GABPB1: variants seen among roughly 807,000 people sequenced by gnomAD.
The protein encoded by GABPB1 is GA-binding protein subunit beta-1.
Under a neutral mutation model 45.9 loss-of-function variants are expected in GABPB1, and 15 were observed. The ratio of observed to expected loss-of-function variants is 0.33; its 90% CI spans 0.22 to 0.50. The LOEUF is 0.50. GABPB1 is among the 20% of genes least tolerant of loss of function. The pLI is 0.98. For missense variants in GABPB1, 252 were observed against 457.5 expected, an observed-to-expected ratio of 0.55 and a Z score of 4.10; for synonymous variants, 143 against 154.4, an observed-to-expected ratio of 0.93 and a Z score of 0.55.
chr15:50,340,520 G>T (rs1595837933), intron 1 of GABPB1, among the ~76,000 whole-genome samples: 3 of 126,008 alleles, frequency 2.4e-5, no homozygotes, highest in African/African-American at 3.0e-5. Flanking sequence ...AGTTTCATGA[G>T]TATCCTTCCA....
At chr15:50,334,956 C>G (rs1431402954) in intron 1 of GABPB1, among the ~76,000 whole-genome samples, 4 of 152,058 alleles carry the variant, frequency 2.6e-5, no homozygotes, top group Non-Finnish European at 5.9e-5. Flanking sequence ...GGTTCCTTGT[C>G]TCCTCGTACG....
intron 7 of GABPB1, 30 bp from the exon 8 acceptor site, chr15:50,286,213 T>C: frequency 7.2e-7 from 1 of 1,396,618 alleles, no homozygotes; most frequent in Admixed American, 2.3e-5. Context: ...ATGTATTACT[T>C]CATTTTCAGA....
chr15:50,285,466 TAC>T (rs1325483991), intron 8 of GABPB1, among the ~76,000 whole-genome samples: 1 of 152,144 alleles, frequency 6.6e-6, no homozygotes, highest in Non-Finnish European at 1.5e-5. Flanking sequence ...AAAATTTATT[TAC>T]AGTCAGTCAA....
chr15:50,311,012 G>T (rs1277619888), intron 1 of GABPB1, among the ~76,000 whole-genome samples: 1 of 151,528 alleles, frequency 6.6e-6, no homozygotes, highest in Admixed American at 6.6e-5. Flanking sequence ...AATATCTTGT[G>T]CCTTGAATTT....
At position 50,286,202 on chromosome 15, in the gene GABPB1, T is replaced by G. The variant is rs1478090439; in HGVS notation, c.884-19A>C. The G allele has an allele frequency of 1.4e-6, 2 of 1,454,710 alleles. No individual in the cohort carries two copies. The highest frequency in any genetic ancestry group is 1.9e-6 in the Non-Finnish European group (2 of 1,078,274). The allele number at this position is 1,454,710 out of a possible 1,614,324, so 90.1% of individuals were successfully genotyped here. ...GTTAATACTAAAATGAAAAAAAAAT[T>G]ATGTATTACTTCATTTTCAGAGAGA... is the stretch of plus-strand genomic sequence containing the variant. On this transcript the variant is annotated intron_variant, in intron 7 of 8. Coordinates refer to ENST00000380877, the MANE Select transcript of GABPB1 (RefSeq NM_016654.5).
intron 1 of GABPB1, among the ~76,000 whole-genome samples, chr15:50,312,866 T>C (rs2047179369): frequency 6.6e-6 from 1 of 152,070 alleles, no homozygotes; most frequent in African/African-American, 2.4e-5. Context: ...TTGTCTGTCT[T>C]TTTTTTATTG....
At chr15:50,340,157 G>C (rs2048298304) in intron 1 of GABPB1, among the ~76,000 whole-genome samples, 1 of 152,170 alleles carries the variant, frequency 6.6e-6, no homozygotes, top group Non-Finnish European at 1.5e-5. Flanking sequence ...GGCACAGCAA[G>C]GTGGCTCCAT....
chr15:50,308,474 G>A (rs2047019299), intron 2 of GABPB1, among the ~76,000 whole-genome samples: 1 of 152,144 alleles, frequency 6.6e-6, no homozygotes, highest in Admixed American at 6.5e-5. Flanking sequence ...GGCAACAGGG[G>A]CAAGGGCAGG....
In GABPB1 at chr15:50,286,191, G is replaced by GA. The variant is rs576271497; in HGVS notation, c.884-9dup. ...TTGCTGGTACTGTTAATACTAAAAT[G>GA]AAAAAAAAATTATGTATTACTTCAT... is the stretch of plus-strand genomic sequence containing the variant. On this transcript the variant is annotated splice_polypyrimidine_tract_variant and intron_variant, in intron 7 of 8. Coordinates refer to ENST00000380877, the MANE Select transcript of GABPB1 (RefSeq NM_016654.5). 8.8e-4 allele frequency: 1,290 copies of GA among 1,469,982 alleles called. 3 individuals are homozygous for GA. Among genetic ancestry groups the GA allele is most frequent in the South Asian group, 6.3e-3 (457 of 72,828 alleles). 91.1% of individuals were successfully genotyped at this position (1,469,982 alleles called of 1,614,324 possible). A position where few individuals can be genotyped will look rare whatever the true frequency, so the allele number is the denominator to read the frequency against.
intron 7 of GABPB1, among the ~76,000 whole-genome samples, chr15:50,287,087 C>CT (rs2046188423): frequency 6.6e-6 from 1 of 152,006 alleles, no homozygotes; most frequent in South Asian, 2.1e-4. Context: ...GGTTTTACTT[C>CT]TTTTTTATTC....
rs2046857399 is a variant in GABPB1 at position 50,304,147 on chromosome 15, A to G, written c.109-14T>C. 3 of 1,553,830 alleles carry G rather than the reference A, an allele frequency of 1.9e-6. No homozygotes were observed. The highest frequency in any genetic ancestry group is 2.8e-5 in the African/African-American group (2 of 71,884). On this transcript the variant is annotated splice_polypyrimidine_tract_variant and intron_variant, in intron 2 of 8. Transcript: ENST00000380877. ...AGAAGTTCCCAGCTGTACCACAGAA[A>G]AAAAAAAAAATCCACATTTACATTA...
At chr15:50,308,969 G>A (rs1319277748) in intron 2 of GABPB1, among the ~76,000 whole-genome samples, 1 of 152,004 alleles carries the variant, frequency 6.6e-6, no homozygotes, top group African/African-American at 2.4e-5. Context: ...TGGGTAAAGG[G>A]TATTACAGGG....
chr15:50,281,367 A>G (rs1402698940), intron 8 of GABPB1, among the ~76,000 whole-genome samples: 1 of 139,614 alleles, frequency 7.2e-6, no homozygotes, highest in Non-Finnish European at 1.7e-5. Context: ...GCACGCCACC[A>G]TGCTCAGCTA....
intron 6 of GABPB1, among the ~76,000 whole-genome samples, chr15:50,293,520 T>C (rs2140998655): frequency 6.6e-6 from 1 of 152,308 alleles, no homozygotes; most frequent in African/African-American, 2.4e-5. Context: ...CAAAATGAAA[T>C]GTAGGACATA....
rs758317441 is a variant in GABPB1 at position 50,301,354 on chromosome 15, G to C, written c.486C>G (p.Asn162Lys). 6.2e-7 allele frequency: 1 copy of C among 1,611,246 alleles called. No individual in the cohort carries two copies. The highest frequency in any genetic ancestry group is 8.5e-7 in the Non-Finnish European group (1 of 1,178,612). Reference protein sequence around the residue: ...LAEILQIAMQNQINTNPESPD... With the variant: ...LAEILQIAMQKQINTNPESPD... ...GACTCTCTGGGTTTGTGTTGATTTG[G>C]TTCTGCATAGCAATCTAGGGAAAAA... Residue 162 changes from asparagine (N) to lysine (K), a missense_variant, in exon 5 of 9, where the codon AAC (asparagine) becomes AAG (lysine). By Grantham distance (94) the Asn-to-Lys change is moderately conservative. Transcript: ENST00000380877.
intron 6 of GABPB1, among the ~76,000 whole-genome samples, chr15:50,296,528 G>C (rs2046516912): frequency 1.3e-5 from 2 of 152,194 alleles, no homozygotes; most frequent in African/African-American, 4.8e-5. Context: ...AAACTGCATA[G>C]GAGAGATGGT....
chr15:50,284,599 T>C (rs1455030086), intron 8 of GABPB1, among the ~76,000 whole-genome samples: 2 of 152,196 alleles, frequency 1.3e-5, no homozygotes, highest in African/African-American at 4.8e-5. Context: ...GAAACAGCAA[T>C]GCTTACTGGT....
intron 1 of GABPB1, chr15:50,347,490 A>T (rs2048636455): frequency 2.6e-5 from 4 of 152,128 alleles, no homozygotes; most frequent in Admixed American, 2.0e-4. Flanking sequence ...TCTTCTCTGC[A>T]TCGTTCCAAT....
intron 1 of GABPB1, chr15:50,349,427 T>C (rs182771026): frequency 6.6e-6 from 1 of 152,330 alleles, no homozygotes; most frequent in East Asian, 1.9e-4. Context: ...TTTCCAATCA[T>C]CATGAGCTAA....
Sources: gnomAD v4.1 joint callset for allele counts (sites outside exome capture counted in the v4.1 genomes callset) on GRCh38, gnomAD v4.1.1 for gene constraint, MANE v1.5 for transcripts, NCBI Gene and HGNC (gene_info 2026-07-23, HGNC 2026-07-21) for gene names.